Variants in MARCHF10 observed in about 807,000 individuals in gnomAD.
MARCHF10 encodes probable E3 ubiquitin-protein ligase MARCHF10.
A neutral mutation model predicts 76.2 loss-of-function variants in MARCHF10; 64 were observed. The observed-to-expected ratio is 0.84, with a 90% CI of 0.69 to 1.03. The LOEUF is 1.03. Among genes scored for constraint, MARCHF10 ranks in the 50% least tolerant of loss-of-function variants. MARCHF10 has a pLI of 0.00. For missense variants in MARCHF10, 875 were observed against 958.0 expected, an observed-to-expected ratio of 0.91 and a Z score of 1.14; for synonymous variants, 340 against 357.5, an observed-to-expected ratio of 0.95 and a Z score of 0.55.
chr17:62,804,022 A>C (rs1400339801), intron 1 of MARCHF10, among the ~76,000 whole-genome samples: 3 of 152,200 alleles, frequency 2.0e-5, no homozygotes, highest in Non-Finnish European at 4.4e-5. Flanking sequence ...GTGAACCCGG[A>C]GACTCGCTCC....
intron 10 of MARCHF10, 144 bp from the exon 11 acceptor site, chr17:62,701,902 T>A: frequency 9.2e-7 from 1 of 1,087,860 alleles, no homozygotes; most frequent in Non-Finnish European, 1.4e-6. Flanking sequence ...TGGAACCGTG[T>A]GGGGAACAGA....
chr17:62,754,192 C>T (rs2091976594), intron 4 of MARCHF10, among the ~76,000 whole-genome samples: 1 of 152,204 alleles, frequency 6.6e-6, no homozygotes, highest in Non-Finnish European at 1.5e-5. Context: ...CGTACCTCAG[C>T]TTCCCAAGTA....
At chr17:62,753,160 G>A (rs548518352) in intron 4 of MARCHF10, among the ~76,000 whole-genome samples, 4 of 152,160 alleles carry the variant, frequency 2.6e-5, no homozygotes, top group African/African-American at 7.2e-5. Flanking sequence ...AGTGTGGAGT[G>A]CAGTCACGTG....
At chr17:62,731,975 T>C (rs1430034332) in intron 6 of MARCHF10, among the ~76,000 whole-genome samples, 6 of 152,186 alleles carry the variant, frequency 3.9e-5, no homozygotes, top group Admixed American at 2.0e-4. Context: ...AGAAAACATA[T>C]AGTCAGTTGG....
intron 4 of MARCHF10, chr17:62,747,012 A>G: frequency 6.8e-7 from 1 of 1,473,952 alleles, no homozygotes; most frequent in Non-Finnish European, 9.2e-7. Context: ...AGCGTTTTTA[A>G]AAAATGGCCT....
At chr17:62,797,363 C>G (rs1364666098) in intron 2 of MARCHF10, among the ~76,000 whole-genome samples, 1 of 152,106 alleles carries the variant, frequency 6.6e-6, no homozygotes, top group Non-Finnish European at 1.5e-5. Flanking sequence ...TGACACCACG[C>G]CCAGCTAATT....
At chr17:62,746,990 A>T (rs1450809565) in intron 4 of MARCHF10, 25 of 1,529,708 alleles carry the variant, frequency 1.6e-5, no homozygotes, top group Non-Finnish European at 2.1e-5. Context: ...TTTGGAAAAA[A>T]CCCTTACTTT....
intron 3 of MARCHF10, 47 bp downstream of exon 3, chr17:62,788,433 A>G: frequency 1.3e-6 from 2 of 1,586,878 alleles, no homozygotes; most frequent in Non-Finnish European, 1.7e-6. Flanking sequence ...CACCACCACC[A>G]GCAGCAGCAG....
chr17:62,753,602 T>G (rs543044494), intron 4 of MARCHF10, among the ~76,000 whole-genome samples: 4 of 152,216 alleles, frequency 2.6e-5, no homozygotes, highest in African/African-American at 7.2e-5. Flanking sequence ...CTCCTCGATA[T>G]GTGTCTCTCC....
intron 3 of MARCHF10, among the ~76,000 whole-genome samples, chr17:62,770,578 GTC>G (rs1023875152): frequency 2.2e-5 from 3 of 133,366 alleles, no homozygotes; most frequent in African/African-American, 8.3e-5. Flanking sequence ...GTCTTGCTCT[GTC>G]TCTCAGGCTG....
chr17:62,793,235 CCT>C (rs2092906554), intron 2 of MARCHF10, among the ~76,000 whole-genome samples: 1 of 139,038 alleles, frequency 7.2e-6, no homozygotes, highest in Non-Finnish European at 1.6e-5. Flanking sequence ...GCCACCACCA[CCT>C]CCACCACCAC....
chr17:62,776,361 A>G (rs1597993966), intron 3 of MARCHF10, among the ~76,000 whole-genome samples: 1 of 152,308 alleles, frequency 6.6e-6, no homozygotes, highest in South Asian at 2.1e-4. Flanking sequence ...ACCCGGCCAC[A>G]TGGCAGGATC....
intron 10 of MARCHF10, among the ~76,000 whole-genome samples, chr17:62,704,411 G>T (rs563346497): frequency 4.2e-4 from 64 of 152,338 alleles, no homozygotes; most frequent in African/African-American, 1.3e-3. Flanking sequence ...CCGGGCTGGG[G>T]CTCCCGGGCT....
chr17:62,790,174 A>T (rs956641928), intron 2 of MARCHF10, among the ~76,000 whole-genome samples: 1 of 152,026 alleles, frequency 6.6e-6, no homozygotes, highest in Non-Finnish European at 1.5e-5. Context: ...CAAAATAGTA[A>T]AAGTTTTTTT....
chr17:62,703,160 AG>A lies in MARCHF10; in HGVS notation c.2372-1403del, dbSNP rs2089351919. Among the ~76,000 whole-genome samples, 3 of 152,010 alleles carry A rather than the reference AG, an allele frequency of 2.0e-5. No individual in the cohort carries two copies. In the South Asian group the frequency reaches 6.2e-4, roughly 32 times the overall value. On this transcript the variant is annotated intron_variant, in intron 10 of 10. Transcript: ENST00000311269. Reference sequence around the variant, plus strand: ...AGGCTTTGGTTCTCACGTGCAAGGGAGGGGGGCCTGGTCAGCAGGCTGGCAT... The same window carrying A: ...AGGCTTTGGTTCTCACGTGCAAGGGAGGGGGCCTGGTCAGCAGGCTGGCAT...
In MARCHF10 at chr17:62,711,245, C is replaced by T; in HGVS notation, c.2314G>A (p.Val772Met). ...AELMRLNHNQ[V>M]ERERLSRNYP... Reference sequence around the variant, plus strand: ...GCCAGACTTACCCTCTCTCTTTCCACCTGGTTGTGGTTGAGCCTCATGAGT... The same window carrying T: ...GCCAGACTTACCCTCTCTCTTTCCATCTGGTTGTGGTTGAGCCTCATGAGT... The change falls in exon 9 of 11, where the codon GTG becomes ATG. Residue 772 changes from valine to methionine, a missense_variant. By Grantham distance (21) the Val-to-Met change is conservative. Transcript: ENST00000311269. The surrounding 1 kb of genome is among the most constrained non-coding windows in gnomAD (Gnocchi z 4.4). 1 of 1,613,982 alleles carries T rather than the reference C, an allele frequency of 6.2e-7. No homozygotes were observed. Among genetic ancestry groups the T allele is most frequent in the South Asian group, 1.1e-5 (1 of 91,070 alleles).
chr17:62,746,553 T>C (rs549924731), intron 4 of MARCHF10, among the ~76,000 whole-genome samples: 3 of 152,068 alleles, frequency 2.0e-5, no homozygotes, highest in Non-Finnish European at 4.4e-5. Context: ...TACCAAAAGT[T>C]GCATTCCTTG....
At chr17:62,714,069 G>A (rs1220306645) in intron 8 of MARCHF10, among the ~76,000 whole-genome samples, 5 of 152,232 alleles carry the variant, frequency 3.3e-5, no homozygotes, top group Non-Finnish European at 7.3e-5. Flanking sequence ...GGGTGATTAG[G>A]TGACTGCGTG....
intron 2 of MARCHF10, among the ~76,000 whole-genome samples, chr17:62,789,069 C>CAA (rs34556672): frequency 0.042 from 1,499 of 35,966 alleles, 95 homozygotes; most frequent in Middle Eastern, 0.071. Context: ...GACTCCGTCT[C>CAA]AAAAAAAAAA....
Sources: allele counts gnomAD v4.1 joint callset (sites outside exome capture counted in the v4.1 genomes callset), GRCh38; gene constraint gnomAD v4.1.1; non-coding constraint Gnocchi (gnomAD v3.1); transcripts MANE v1.5; gene names NCBI Gene and HGNC (gene_info 2026-07-23, HGNC 2026-07-21).